The following NR1I3 variants were observed in gnomAD, a reference collection of about 807,000 sequenced individuals.
NR1I3 encodes nuclear receptor subfamily 1 group I member 3, also known as constitutive activator of retinoid response.
In NR1I3, 30 loss-of-function variants were observed where a neutral mutation model predicts 38.4. The ratio of observed to expected loss-of-function variants is 0.78; its 90% CI spans 0.58 to 1.06. The LOEUF (loss-of-function observed/expected upper bound fraction) is 1.06, where lower values mean the gene tolerates loss of function less well. Among genes scored for constraint, NR1I3 ranks in the 50% least tolerant of loss-of-function variants. The pLI is 0.00. For missense variants in NR1I3, 388 were observed against 435.7 expected (o/e 0.89, Z 0.97); for synonymous variants, 143 against 165.1 (o/e 0.87, Z 1.03).
intron 4 of NR1I3, 22 bp from the exon 5 acceptor site, chr1:161,232,968 C>T: frequency 6.2e-7 from 1 of 1,613,776 alleles, no homozygotes; most frequent in Non-Finnish European, 8.5e-7. Flanking sequence ...AGAACATTAG[C>T]TAGAGGCTCT....
intron 3 of NR1I3, chr1:161,235,273 T>TTTTGAGTCGGAATC: frequency 7.8e-6 from 1 of 128,362 alleles, no homozygotes; most frequent in Non-Finnish European, 1.7e-5. Flanking sequence ...TTTTTTTTTT[T>TTTTGAGTCGGAATC]TTTTTTTTTG....
Position 161,231,398 on chromosome 1 carries a change from T to C in NR1I3, c.625A>G (p.Thr209Ala). The C allele has an allele frequency of 6.4e-7, 1 of 1,567,170 alleles. No individual in the cohort carries two copies. Among genetic ancestry groups the C allele is most frequent in the African/African-American group, 1.4e-5 (1 of 72,310 alleles). ...AAGTTTTGTGTTTGGAGACAGAAAG[T>C]GGTATTGAGTACGATGTGACAGATT... ...VEICHIVLNT[T>A]FCLQTQNFLC... Residue 209 changes from threonine to alanine, a missense_variant, in exon 6 of 9, where the codon ACT (threonine) becomes GCT (alanine). Physicochemically the swap from Thr to Ala is moderately conservative, Grantham distance 58. Coordinates refer to ENST00000367983, the MANE Select transcript of NR1I3 (RefSeq NM_005122.5).
At chr1:161,235,559 C>T (rs940639609) in intron 3 of NR1I3, 41 of 315,900 alleles carry the variant, frequency 1.3e-4, no homozygotes, top group Admixed American at 5.8e-4. Flanking sequence ...TGAGCCACCG[C>T]GCCCGGCCTG....
At chr1:161,236,345 C>G in intron 2 of NR1I3, 114 bp downstream of exon 2, 1 of 1,308,998 alleles carries the variant, frequency 7.6e-7, no homozygotes, top group Admixed American at 2.2e-5. Flanking sequence ...TAGTTAGACT[C>G]TAAGATAAAG....
intron 3 of NR1I3, 192 bp downstream of exon 3, chr1:161,235,655 T>A (rs1668468447): frequency 1.7e-6 from 1 of 582,174 alleles, no homozygotes; most frequent in African/African-American, 1.9e-5. Flanking sequence ...CTGAAAGGTG[T>A]TGTGGGAGAG....
chr1:161,231,288 C>T, intron 6 of NR1I3, 41 bp downstream of exon 6: 1 of 1,610,848 alleles, frequency 6.2e-7, no homozygotes, highest in Non-Finnish European at 8.5e-7. Context: ...CATCCTGTAC[C>T]ATGAGGACAC....
At chr1:161,231,093 C>T (rs1172706889) in intron 7 of NR1I3, 24 bp downstream of exon 7, 1 of 1,614,110 alleles carries the variant, frequency 6.2e-7, no homozygotes, top group East Asian at 2.2e-5. Context: ...CAGCAAAAGG[C>T]TCTGGGCTTT....
chr1:161,234,629 A>C (rs1025253586), intron 3 of NR1I3, among the ~76,000 whole-genome samples: 3 of 152,072 alleles, frequency 2.0e-5, no homozygotes, highest in Non-Finnish European at 4.4e-5. Context: ...CTGGTCTTGA[A>C]TTCCTGACCT....
chr1:161,232,525 T>C (rs1233060378), intron 5 of NR1I3, among the ~76,000 whole-genome samples: 1 of 152,096 alleles, frequency 6.6e-6, no homozygotes. Context: ...CTCAAACTTC[T>C]GGACTCAAGC....
At chr1:161,230,765 C>A (rs1282218763) in intron 8 of NR1I3, 48 bp downstream of exon 8, 3 of 1,612,400 alleles carry the variant, frequency 1.9e-6, no homozygotes, top group South Asian at 1.1e-5. Context: ...TTTCACCAAC[C>A]CCTTCCTGCC....
chr1:161,231,216 A>T lies in NR1I3; in HGVS notation c.712T>A (p.Phe238Ile), dbSNP rs146624074. ...TGGAAGTGAAAGAGCAACTCCAAAAACTCTACCTGGAACCCCACTGTGGGA... is the reference window on the plus strand; with the variant it reads ...TGGAAGTGAAAGAGCAACTCCAAAATCTCTACCTGGAACCCCACTGTGGGA... ...DGARVGFQVEFLELLFHFHGT... is the reference protein window; with the variant it reads ...DGARVGFQVEILELLFHFHGT... Residue 238 changes from phenylalanine (F) to isoleucine (I), a missense_variant, in exon 7 of 9, where the codon TTT (phenylalanine) becomes ATT (isoleucine). Physicochemically the swap from Phe to Ile is conservative, Grantham distance 21 (BLOSUM62 0). Transcript: ENST00000367983. The T allele has an allele frequency of 1.2e-6, 2 of 1,613,714 alleles. No individual in the cohort carries two copies. The highest frequency in any genetic ancestry group is 1.7e-6 in the Non-Finnish European group (2 of 1,179,968).
intron 3 of NR1I3, chr1:161,235,527 C>T (rs1668444297): frequency 1.7e-5 from 4 of 240,394 alleles, no homozygotes; most frequent in South Asian, 1.3e-4. Context: ...CTCGGCCTCC[C>T]AAAGTGCTGG....
chr1:161,230,692 C>T (rs1666984156), intron 8 of NR1I3, 121 bp downstream of exon 8: 8 of 1,357,952 alleles, frequency 5.9e-6, no homozygotes, highest in Non-Finnish European at 8.2e-6. Context: ...AAGGACTAGA[C>T]CCCACGATAC....
Position 161,230,796 on chromosome 1 carries a change from T to A in NR1I3, c.917+17A>T. ...CTGCCCTGGTGTGGCCTCCAAGCCC[T>A]CAGTGTCCCACCGTACCGATCCCGG... On this transcript the variant is annotated intron_variant, in intron 8 of 8. Coordinates refer to ENST00000367983, the MANE Select transcript of NR1I3 (RefSeq NM_005122.5). 6.2e-7 allele frequency: 1 copy of A among 1,613,848 alleles called. No homozygotes were observed. Among genetic ancestry groups the A allele is most frequent in the South Asian group, 1.1e-5 (1 of 91,082 alleles).
chr1:161,233,371 T>C, intron 3 of NR1I3, 33 bp from the exon 4 acceptor site: 9 of 1,603,072 alleles, frequency 5.6e-6, no homozygotes, highest in Non-Finnish European at 7.7e-6. Context: ...ACAAAGCTGT[T>C]GAGACCAGCA....
At chr1:161,236,645 C>A in intron 1 of NR1I3, 47 bp from the exon 2 acceptor site, 2 of 1,583,916 alleles carry the variant, frequency 1.3e-6, no homozygotes, top group Admixed American at 1.8e-5. Flanking sequence ...ACCCTTGACC[C>A]TTTTCTGTCC....
rs374162018 is a variant in NR1I3, at chr1:161,232,592, G to A, written c.548+215C>T. Among the ~76,000 whole-genome samples, 15 of 152,190 alleles carry A rather than the reference G, an allele frequency of 9.9e-5. 1 individual carries two copies. The highest frequency in any genetic ancestry group is 3.4e-3 in the Middle Eastern group (1 of 294). On this transcript the variant is annotated intron_variant, in intron 5 of 8. Transcript: ENST00000367983. ...GGATTACTAGTGTGAGCCACTGCGC[G>A]GCACCTCAAGGGCACTTTAGATGCA...
At position 161,230,904 on chromosome 1, in the gene NR1I3, T is replaced by C. The variant is rs1270400266; in HGVS notation, c.826A>G (p.Thr276Ala). Residue 276 changes from threonine (T) to alanine (A), a missense_variant, in exon 8 of 9, where the codon ACC becomes GCC. Transcript: ENST00000367983. ...ALFSPDRPGV[T>A]QRDEIDQLQE... ...AGCTGATCAATCTCATCTCTCTGGG[T>C]AACTCCAGGTCGGTCTGTAAGATAG... 2.5e-6 allele frequency: 4 copies of C among 1,614,002 alleles called. No homozygotes were observed. Among genetic ancestry groups the C allele is most frequent in the African/African-American group, 1.3e-5 (1 of 74,892 alleles).
In NR1I3 at chr1:161,236,582, G is replaced by A. The variant is rs1467100082; in HGVS notation, c.-17C>T. 1.9e-6 allele frequency: 3 copies of A among 1,613,756 alleles called. No individual in the cohort carries two copies. The highest frequency in any genetic ancestry group is 2.5e-6 in the Non-Finnish European group (3 of 1,179,960). ...ACTGGCCATGACGTCACGTGTTGGG[G>A]TGGCTGTCACAGACTCCTGAATGTA... On this transcript the variant is annotated 5_prime_UTR_variant, in exon 2 of 9. Coordinates refer to ENST00000367983, the MANE Select transcript of NR1I3 (RefSeq NM_005122.5).
Sources: allele counts gnomAD v4.1 joint callset (sites outside exome capture counted in the v4.1 genomes callset), GRCh38; gene constraint gnomAD v4.1.1; transcripts MANE v1.5; gene names NCBI Gene and HGNC (gene_info 2026-07-23, HGNC 2026-07-21).